The following SEC14L5 variants were observed in gnomAD, a reference collection of about 807,000 sequenced individuals.
SEC14L5 encodes SEC14 like lipid binding 5.
SEC14L5 carries 96 observed loss-of-function variants against 84.6 expected under a neutral mutation model. The ratio of observed to expected loss-of-function variants is 1.13; its 90% CI spans 0.96 to 1.34. The LOEUF (loss-of-function observed/expected upper bound fraction) is 1.34. Among genes scored for constraint, SEC14L5 ranks in the 40% most tolerant of loss-of-function variants. The pLI is 0.00. For missense variants in SEC14L5, 1,224 were observed against 942.5 expected, an observed-to-expected ratio of 1.30 and a Z score of -3.91; for synonymous variants, 546 against 383.4, an observed-to-expected ratio of 1.42 and a Z score of -4.95.
At chr16:5,010,743 C>A (rs972925612) in intron 14 of SEC14L5, among the ~76,000 whole-genome samples, 1 of 152,192 alleles carries the variant, frequency 6.6e-6, no homozygotes, top group Non-Finnish European at 1.5e-5. Context: ...GAGCTCCCGG[C>A]CCAAATCCCT....
At chr16:5,014,637 C>T (rs1484282540) in intron 15 of SEC14L5, among the ~76,000 whole-genome samples, 2 of 152,234 alleles carry the variant, frequency 1.3e-5, no homozygotes, top group Non-Finnish European at 2.9e-5. Context: ...GCCAGGGGAG[C>T]CCCTGATGGG....
intron 2 of SEC14L5, among the ~76,000 whole-genome samples, chr16:4,973,009 C>T (rs1214386215): frequency 6.6e-6 from 1 of 152,218 alleles, no homozygotes; most frequent in Non-Finnish European, 1.5e-5. Context: ...TTGCAAAGCA[C>T]TGCAAATTCA....
At position 4,959,366 on chromosome 16, in the gene SEC14L5, C is replaced by G. The variant is rs771856728; in HGVS notation, c.43C>G (p.Pro15Ala). The G allele has an allele frequency of 6.2e-7, 1 of 1,613,858 alleles. No homozygotes were observed. Among genetic ancestry groups the G allele is most frequent in the Non-Finnish European group, 8.5e-7 (1 of 1,179,798 alleles). Reference sequence around the variant, plus strand: ...GTCTCCTGTCCGAGTCTACAAGTACCCGTTTGAGCTGGTCATGGCGGTGAG... The same window carrying G: ...GTCTCCTGTCCGAGTCTACAAGTACGCGTTTGAGCTGGTCATGGCGGTGAG... ...YQSPVRVYKY[P>A]FELVMAAYEK... The change falls in exon 2 of 16, where the codon CCG (proline) becomes GCG (alanine). Residue 15 changes from proline (P) to alanine (A), a missense_variant. Transcript: ENST00000251170.
At chr16:4,986,125 T>C (rs1955483921) in intron 2 of SEC14L5, among the ~76,000 whole-genome samples, 1 of 151,872 alleles carries the variant, frequency 6.6e-6, no homozygotes, top group South Asian at 2.1e-4. Context: ...CACGTGCTGT[T>C]ATGTCTTCTT....
intron 2 of SEC14L5, among the ~76,000 whole-genome samples, chr16:4,982,668 C>T (rs746249933): frequency 1.3e-5 from 2 of 152,196 alleles, no homozygotes; most frequent in African/African-American, 2.4e-5. Context: ...GTGGCCAAAT[C>T]CTGTGTGAGA....
chr16:4,988,967 A>T (rs554118742), intron 4 of SEC14L5, among the ~76,000 whole-genome samples: 1 of 152,186 alleles, frequency 6.6e-6, no homozygotes, highest in Admixed American at 6.5e-5. Context: ...GATGTGTGGG[A>T]GTCAGAGAAG....
At chr16:5,008,862 G>C (rs1439594752) in intron 14 of SEC14L5, among the ~76,000 whole-genome samples, 1 of 152,200 alleles carries the variant, frequency 6.6e-6, no homozygotes, top group Non-Finnish European at 1.5e-5. Flanking sequence ...AGAAAGCACG[G>C]GGTGCTCTGC....
At chr16:4,998,496 TG>T (rs1486091337) in intron 8 of SEC14L5, among the ~76,000 whole-genome samples, 49 of 148,870 alleles carry the variant, frequency 3.3e-4, no homozygotes, top group Non-Finnish European at 5.9e-4. Context: ...CCCAGCACTT[TG>T]GGAGGCCGAG....
chr16:4,964,594 G>A (rs1368977349), intron 2 of SEC14L5, among the ~76,000 whole-genome samples: 2 of 151,532 alleles, frequency 1.3e-5, no homozygotes, highest in East Asian at 1.9e-4. Flanking sequence ...AAAAAAAAAA[G>A]AACCAGACCC....
intron 6 of SEC14L5, 58 bp downstream of exon 6, chr16:4,992,088 C>T: frequency 8.3e-7 from 1 of 1,211,624 alleles, no homozygotes; most frequent in Non-Finnish European, 1.1e-6. Flanking sequence ...TCCTCTTGCT[C>T]CATGGGGGGC....
Position 4,996,383 on chromosome 16 carries a change from C to T in SEC14L5, c.703C>T (p.Leu235=). The change falls in exon 7 of 16, where the codon CTG becomes TTG. Residue 235 remains leucine (L), a synonymous_variant. Transcript: ENST00000251170. ...GGATGCGGACTACATTGAGAGGTGCCTGGGCCACCTCACGCCCATGCAGGA... is the reference window on the plus strand; with the variant it reads ...GGATGCGGACTACATTGAGAGGTGCTTGGGCCACCTCACGCCCATGCAGGA... ...KLDADYIERC[L]GHLTPMQESC... is the part of the protein sequence containing the mutation. 7 of 1,566,438 alleles carry T rather than the reference C, an allele frequency of 4.5e-6. No homozygotes were observed. The highest frequency in any genetic ancestry group is 2.6e-6 in the Non-Finnish European group (3 of 1,156,342).
intron 8 of SEC14L5, among the ~76,000 whole-genome samples, chr16:4,998,447 G>T (rs904695546): frequency 6.6e-6 from 1 of 151,728 alleles, no homozygotes; most frequent in Non-Finnish European, 1.5e-5. Flanking sequence ...TTATCTAAAC[G>T]TTCATCTAGG....
Position 4,988,436 on chromosome 16 carries a change from GCATT to G in SEC14L5, c.345+158_345+161del, listed in dbSNP as rs1955519536. 2.0e-5 allele frequency among the ~76,000 whole-genome samples: 3 copies of G among 152,352 alleles called. No homozygotes were observed. The South Asian group carries it at 6.2e-4, about 32-fold the overall frequency. On this transcript the variant is annotated intron_variant, in intron 4 of 15. Coordinates refer to ENST00000251170, the MANE Select transcript of SEC14L5 (RefSeq NM_014692.2). ...AGATGCAGGATGCTTGGTTGCCTTT[GCATT>G]CCGATGAACAACCCATAATTTTTTT... is the stretch of plus-strand genomic sequence containing the variant.
At chr16:4,978,142 C>G (rs574216782) in intron 2 of SEC14L5, among the ~76,000 whole-genome samples, 1 of 111,740 alleles carries the variant, frequency 8.9e-6, no homozygotes. Context: ...TGGCCGGGCG[C>G]GGTGGCTCAC....
At chr16:4,962,134 C>G (rs1295205161) in intron 2 of SEC14L5, among the ~76,000 whole-genome samples, 1 of 135,868 alleles carries the variant, frequency 7.4e-6, no homozygotes, top group Non-Finnish European at 1.5e-5. Flanking sequence ...GTCCTGCACT[C>G]GAGCCTGGGC....
intron 3 of SEC14L5, 44 bp downstream of exon 3, chr16:4,987,750 C>A (rs375540832): frequency 7.5e-7 from 1 of 1,340,520 alleles, no homozygotes; most frequent in Non-Finnish European, 9.7e-7. Context: ...GGACCTGTTG[C>A]GGAGGTGCGG....
intron 2 of SEC14L5, among the ~76,000 whole-genome samples, chr16:4,977,689 C>T (rs1270621603): frequency 3.9e-5 from 6 of 152,006 alleles, no homozygotes; most frequent in Middle Eastern, 3.2e-3. Context: ...AACCATCCTG[C>T]GAAGAGAGGT....
At position 4,978,000 on chromosome 16, in the gene SEC14L5, C is replaced by G. The variant is rs975347922; in HGVS notation, c.64-9557C>G. ...CATTTTTAGTAGAGACAGGGTTTCA[C>G]TATGTTGTCCAGGCTTGTCTTGAAC... On this transcript the variant is annotated intron_variant, in intron 2 of 15. Transcript: ENST00000251170. Among the ~76,000 whole-genome samples, 8 of 149,212 alleles carry G rather than the reference C, an allele frequency of 5.4e-5. No homozygotes were observed. The East Asian group carries it at 6.0e-4, about 11-fold the overall frequency.
rs1182569219 is a variant in SEC14L5 at position 5,003,579 on chromosome 16, A to T, written c.1302+6A>T. On this transcript the variant is annotated splice_donor_region_variant and intron_variant, in intron 11 of 15. Coordinates refer to ENST00000251170, the MANE Select transcript of SEC14L5 (RefSeq NM_014692.2). Reference sequence around the variant, plus strand: ...TCCCCGTGCTCTGGACACTGGTAAGAGCTGGAGCCTGGGCCAGGACTCTCC... The same window carrying T: ...TCCCCGTGCTCTGGACACTGGTAAGTGCTGGAGCCTGGGCCAGGACTCTCC... 3 of 1,177,138 alleles carry T rather than the reference A, an allele frequency of 2.5e-6. No individual in the cohort carries two copies. The highest frequency in any genetic ancestry group is 4.0e-5 in the African/African-American group (2 of 49,894). 72.9% of individuals were successfully genotyped at this position (1,177,138 alleles called of 1,614,324 possible).
Sources: allele counts gnomAD v4.1 joint callset (sites outside exome capture counted in the v4.1 genomes callset), GRCh38; gene constraint gnomAD v4.1.1; transcripts MANE v1.5; gene names NCBI Gene and HGNC (gene_info 2026-07-23, HGNC 2026-07-21).